Variants in CELSR3 observed in about 807,000 individuals in gnomAD.
CELSR3 encodes the protein cadherin EGF LAG seven-pass G-type receptor 3, also known as EGF-like protein 1.
In CELSR3, 73 loss-of-function variants were observed where a neutral mutation model predicts 270.0. That is an observed-to-expected ratio of 0.27 (90% CI 0.22 to 0.33). The LOEUF (loss-of-function observed/expected upper bound fraction) is 0.33, where lower values mean the gene tolerates loss of function less well. Ranked by LOEUF, CELSR3 falls within the 10% of genes least tolerant of loss-of-function variation. The pLI, the probability that CELSR3 is intolerant of heterozygous loss-of-function variation, is 1.00. For missense variants in CELSR3, 3,614 were observed against 4,533.8 expected, an observed-to-expected ratio of 0.80 and a Z score of 5.83; for synonymous variants, 1,780 against 1,905.4, an observed-to-expected ratio of 0.93 and a Z score of 1.71.
rs905108666 is a variant in CELSR3 at position 48,637,266 on chromosome 3, TAGG to T, written c.*936_*938del. ...AGGGCCACGGAGGATCCTGTAAACATAGGAGGCAGTGGCACCTACATTCTGGGT... is the reference window on the plus strand; with the variant it reads ...AGGGCCACGGAGGATCCTGTAAACATAGGCAGTGGCACCTACATTCTGGGT... On this transcript the variant is annotated 3_prime_UTR_variant, in exon 35 of 35. Transcript: ENST00000164024. 2 of 152,570 alleles carry T rather than the reference TAGG, an allele frequency of 1.3e-5. No homozygotes were observed. Among genetic ancestry groups the T allele is most frequent in the Non-Finnish European group, 2.9e-5 (2 of 68,026 alleles). 9.5% of individuals were successfully genotyped at this position (152,570 alleles called of 1,614,324 possible).
chr3:48,652,336 A>T lies in CELSR3; in HGVS notation c.5751+101T>A. ...AACTCTGGGTCATTCACCCCCTCGCACCAACCCCCACTTGAATACTGCCTT... is the reference window on the plus strand; with the variant it reads ...AACTCTGGGTCATTCACCCCCTCGCTCCAACCCCCACTTGAATACTGCCTT... On this transcript the variant is annotated intron_variant, in intron 11 of 34. Coordinates refer to ENST00000164024, the MANE Select transcript of CELSR3 (RefSeq NM_001407.3). This position sits in a 1 kb window ranked among gnomAD's most constrained non-coding sequence, Gnocchi z 4.3. 1.0e-6 allele frequency: 1 copy of T among 996,230 alleles called. No homozygotes were observed. Among genetic ancestry groups the T allele is most frequent in the Non-Finnish European group, 1.6e-6 (1 of 623,482 alleles). 61.7% of individuals were successfully genotyped at this position (996,230 alleles called of 1,614,324 possible). A position where few individuals can be genotyped will look rare whatever the true frequency, so the allele number is the denominator to read the frequency against.
Position 48,655,056 on chromosome 3 carries a change from G to A in CELSR3, c.4976C>T (p.Thr1659Ile), listed in dbSNP as rs2047168260. The change falls in exon 6 of 35, where the codon ACA (threonine) becomes ATA (isoleucine). Residue 1659 changes from threonine to isoleucine, a missense_variant. Thr to Ile is a moderately conservative substitution (Grantham distance 89). This residue lies in a region of CELSR3 where 1,331 missense variants were observed against 1,933.7 expected (regional missense o/e 0.69). Transcript: ENST00000164024. The surrounding 1 kb of genome is among the most constrained non-coding windows in gnomAD (Gnocchi z 5.8). ...NYSCAAAGVQTSSKKSLDLTG... is the reference protein window; with the variant it reads ...NYSCAAAGVQISSKKSLDLTG... Reference sequence around the variant, plus strand: ...GCAGGGGCCTCACTTCTTGGAGCTTGTTTGCACACCAGCAGCCGCGCATGA... The same window carrying A: ...GCAGGGGCCTCACTTCTTGGAGCTTATTTGCACACCAGCAGCCGCGCATGA... The A allele has an allele frequency of 2.5e-6, 4 of 1,613,734 alleles. No individual in the cohort carries two copies. The South Asian group carries it at 3.3e-5, about 13-fold the overall frequency.
Position 48,660,875 on chromosome 3 carries a change from C to T in CELSR3, c.1760G>A (p.Gly587Asp). 3 of 1,613,948 alleles carry T rather than the reference C, an allele frequency of 1.9e-6. No individual in the cohort carries two copies. Among genetic ancestry groups the T allele is most frequent in the Admixed American group, 1.7e-5 (1 of 60,026 alleles). Reference protein sequence around the residue: ...NGLVHYNIISGNSRGHFAIDS... With the variant: ...NGLVHYNIISDNSRGHFAIDS... The stretch of plus-strand genomic sequence containing the variant: ...GATGGCAAAGTGTCCACGGCTATTG[C>T]CACTGATGATGTTGTAGTGCACCAA... Residue 587 changes from glycine to aspartate, a missense_variant, in exon 1 of 35, where the codon GGC becomes GAC. Gly to Asp is a moderately conservative substitution (Grantham distance 94). This residue lies in a region of CELSR3 where 354 missense variants were observed against 500.9 expected (regional missense o/e 0.71). Transcript: ENST00000164024. The surrounding 1 kb of genome is among the most constrained non-coding windows in gnomAD (Gnocchi z 5.5).
rs1201141968 is a variant in CELSR3 at position 48,643,687 on chromosome 3, G to A, written c.8166-10C>T. Reference sequence around the variant, plus strand: ...GGAGCTGCGAAGGGTCCTGCTGTGGGGACATGGGAAGACACAGGAGGACAT... The same window carrying A: ...GGAGCTGCGAAGGGTCCTGCTGTGGAGACATGGGAAGACACAGGAGGACAT... On this transcript the variant is annotated splice_polypyrimidine_tract_variant and intron_variant, in intron 27 of 34. Coordinates refer to ENST00000164024, the MANE Select transcript of CELSR3 (RefSeq NM_001407.3). 1.3e-6 allele frequency: 2 copies of A among 1,552,156 alleles called. No individual in the cohort carries two copies. The highest frequency in any genetic ancestry group is 2.7e-5 in the African/African-American group (2 of 73,098).
Position 48,651,582 on chromosome 3 carries a change from C to T in CELSR3, c.6060G>A (p.Glu2020=). Residue 2020 remains glutamate (E), a synonymous_variant, in exon 13 of 35, where the codon GAG becomes GAA. Coordinates refer to ENST00000164024, the MANE Select transcript of CELSR3 (RefSeq NM_001407.3). This position sits in a 1 kb window ranked among gnomAD's most constrained non-coding sequence, Gnocchi z 7.4. The stretch of plus-strand genomic sequence containing the variant: ...CCTCAGCCCCAGCCTCTTACCTGTG[C>T]TCACAGTGGTGCCCGAAATAGCCAC... ...CVGGYFGHHC[E]HRMDQQCPRG... The T allele has an allele frequency of 6.3e-7, 1 of 1,576,372 alleles. No homozygotes were observed. Among genetic ancestry groups the T allele is most frequent in the Non-Finnish European group, 8.6e-7 (1 of 1,158,368 alleles).
In CELSR3 at chr3:48,655,770, G is replaced by T; in HGVS notation, c.4707C>A (p.Leu1569=). 6.2e-7 allele frequency: 1 copy of T among 1,610,024 alleles called. No homozygotes were observed. The highest frequency in any genetic ancestry group is 1.1e-5 in the South Asian group (1 of 90,980). The change falls in exon 4 of 35, where the codon CTC becomes CTA. Residue 1569 remains leucine, a synonymous_variant. Transcript: ENST00000164024. This position sits in a 1 kb window ranked among gnomAD's most constrained non-coding sequence, Gnocchi z 5.8. The part of the protein sequence containing the change: ...NEKHDFLALE[L]VAGQVRLTYS... ...ATGTGAGCCGCACTTGGCCAGCCAC[G>T]AGTTCCAGGGCCAGGAAGTCGTGCT...
chr3:48,640,678 G>T lies in CELSR3; in HGVS notation c.9026-119C>A. 1 of 1,173,700 alleles carries T rather than the reference G, an allele frequency of 8.5e-7. No homozygotes were observed. Among genetic ancestry groups the T allele is most frequent in the Non-Finnish European group, 1.2e-6 (1 of 858,362 alleles). 72.7% of individuals were successfully genotyped at this position (1,173,700 alleles called of 1,614,324 possible). On this transcript the variant is annotated intron_variant, in intron 33 of 34. Transcript: ENST00000164024. The surrounding 1 kb of genome is among the most constrained non-coding windows in gnomAD (Gnocchi z 7.5). Reference sequence around the variant, plus strand: ...CCTTCCAACACAGGGATGGGAGCAGGAACCCCTTGGGGAGCAGCAGAGGCA... The same window carrying T: ...CCTTCCAACACAGGGATGGGAGCAGTAACCCCTTGGGGAGCAGCAGAGGCA...
At position 48,655,228 on chromosome 3, in the gene CELSR3, A is replaced by G; in HGVS notation, c.4831-27T>C. ...TGAAGACGCAGGCACACCAGTCAACAGTGCCCCCAGTAACCCCTGAGGAGC... is the reference window on the plus strand; with the variant it reads ...TGAAGACGCAGGCACACCAGTCAACGGTGCCCCCAGTAACCCCTGAGGAGC... On this transcript the variant is annotated intron_variant, in intron 5 of 34. Coordinates refer to ENST00000164024, the MANE Select transcript of CELSR3 (RefSeq NM_001407.3). This position sits in a 1 kb window ranked among gnomAD's most constrained non-coding sequence, Gnocchi z 5.8. 6.2e-7 allele frequency: 1 copy of G among 1,614,006 alleles called. No individual in the cohort carries two copies. The highest frequency in any genetic ancestry group is 1.1e-5 in the South Asian group (1 of 91,082).
rs769423919 is a variant in CELSR3, at chr3:48,645,153, C to T, written c.7854G>A (p.Ala2618=). The change falls in exon 25 of 35, where the codon GCG becomes GCA. Residue 2618 remains alanine (A), a synonymous_variant. Transcript: ENST00000164024. This position sits in a 1 kb window ranked among gnomAD's most constrained non-coding sequence, Gnocchi z 5.4. ...LLHYFFLSTF[A]WLFVQGLHLY... Reference sequence around the variant, plus strand: ...GGTGCAGCCCCTGCACGAAGAGCCACGCGAAGGTGCTGAGGAAGAAGTAGT... The same window carrying T: ...GGTGCAGCCCCTGCACGAAGAGCCATGCGAAGGTGCTGAGGAAGAAGTAGT... 27 of 1,597,320 alleles carry T rather than the reference C, an allele frequency of 1.7e-5. No individual in the cohort carries two copies. The highest frequency in any genetic ancestry group is 1.2e-4 in the African/African-American group (9 of 74,788).
chr3:48,658,875 C>T lies in CELSR3; in HGVS notation c.3748+12G>A. ...GTGTCACTGGGTCACTTGCCTGCCC[C>T]CTGCCCCTCACCTGTGACAGTCACC... On this transcript the variant is annotated intron_variant, in intron 1 of 34. Transcript: ENST00000164024. This position sits in a 1 kb window ranked among gnomAD's most constrained non-coding sequence, Gnocchi z 4.7. 2 of 1,610,072 alleles carry T rather than the reference C, an allele frequency of 1.2e-6. No individual in the cohort carries two copies. The highest frequency in any genetic ancestry group is 8.5e-7 in the Non-Finnish European group (1 of 1,176,974).
Position 48,654,278 on chromosome 3 carries a change from T to C in CELSR3, c.5152+11A>G, listed in dbSNP as rs1575543878. ...GGCCATGGGCTAGGCTGGTGGAAGC[T>C]TCAGGCCTACCTGCCATGGTGCCAT... On this transcript the variant is annotated intron_variant, in intron 7 of 34. Coordinates refer to ENST00000164024, the MANE Select transcript of CELSR3 (RefSeq NM_001407.3). The surrounding 1 kb of genome is among the most constrained non-coding windows in gnomAD (Gnocchi z 5.4). 1.2e-6 allele frequency: 2 copies of C among 1,613,574 alleles called. No homozygotes were observed. The highest frequency in any genetic ancestry group is 1.7e-6 in the Non-Finnish European group (2 of 1,180,000).
chr3:48,641,134 G>A lies in CELSR3; in HGVS notation c.9025+190C>T, dbSNP rs915167656. On this transcript the variant is annotated intron_variant, in intron 33 of 34. Transcript: ENST00000164024. This position sits in a 1 kb window ranked among gnomAD's most constrained non-coding sequence, Gnocchi z 4.8. Reference sequence around the variant, plus strand: ...CTGTGGTGCTGGCCAGGGTAGAGGGGGACAGAGAATTCCCAGGTCAGGACA... The same window carrying A: ...CTGTGGTGCTGGCCAGGGTAGAGGGAGACAGAGAATTCCCAGGTCAGGACA... The A allele has an allele frequency of 1.0e-5, 6 of 593,048 alleles. No individual in the cohort carries two copies. Among genetic ancestry groups the A allele is most frequent in the Non-Finnish European group, 1.5e-5 (5 of 331,590 alleles). The allele number at this position is 593,048 out of a possible 1,614,324, so 36.7% of individuals were successfully genotyped here.
At position 48,641,922 on chromosome 3, in the gene CELSR3, C is replaced by A; in HGVS notation, c.8753G>T (p.Arg2918Leu). Residue 2918 changes from arginine (R) to leucine (L), a missense_variant, in exon 32 of 35, where the codon CGG (arginine) becomes CTG (leucine). By Grantham distance (102) the Arg-to-Leu change is moderately radical. Around this residue, in one of 7 missense-constraint regions of CELSR3, gnomAD observed 1,240 missense variants for 1,351.7 expected, o/e 0.92. Coordinates refer to ENST00000164024, the MANE Select transcript of CELSR3 (RefSeq NM_001407.3). This position sits in a 1 kb window ranked among gnomAD's most constrained non-coding sequence, Gnocchi z 4.8. Reference sequence around the variant, plus strand: ...TGGCCGTTGGAAGCGCCCCCGCGTCCGGCCATTGTCCTCGCTTTCTGAAGA... The same window carrying A: ...TGGCCGTTGGAAGCGCCCCCGCGTCAGGCCATTGTCCTCGCTTTCTGAAGA... ...IPSSESEDNG[R>L]TRGRFQRPLC... is the part of the protein sequence containing the mutation. The A allele has an allele frequency of 6.3e-7, 1 of 1,599,386 alleles. No individual in the cohort carries two copies. Among genetic ancestry groups the A allele is most frequent in the Non-Finnish European group, 8.5e-7 (1 of 1,174,222 alleles).
At chr3:48,656,033 A>T in intron 3 of CELSR3, 107 bp downstream of exon 3, 2 of 1,123,922 alleles carry the variant, frequency 1.8e-6, no homozygotes, top group Non-Finnish European at 2.4e-6. Context: ...GCGTCAGGGG[A>T]GGGGCGGTGT....
Position 48,657,308 on chromosome 3 carries a change from C to G in CELSR3, c.3789G>C (p.Val1263=). Residue 1263 remains valine, a synonymous_variant, in exon 2 of 35, where the codon GTG becomes GTC. Coordinates refer to ENST00000164024, the MANE Select transcript of CELSR3 (RefSeq NM_001407.3). This position sits in a 1 kb window ranked among gnomAD's most constrained non-coding sequence, Gnocchi z 5.4. ...HSVTAQCVLR[V]VIITEELLAN... is the part of the protein sequence containing the mutation. ...CCAGCAACTCCTCCGTGATGATGAC[C>G]ACGCGCAGCACACACTGCGCCGTCA... 1 of 1,609,010 alleles carries G rather than the reference C, an allele frequency of 6.2e-7. No individual in the cohort carries two copies. The highest frequency in any genetic ancestry group is 2.2e-5 in the East Asian group (1 of 44,670).
rs1457293581 is a variant in CELSR3, at chr3:48,639,663, A to C, written c.9911+11T>G. The C allele has an allele frequency of 6.2e-7, 1 of 1,612,802 alleles. No individual in the cohort carries two copies. Among genetic ancestry groups the C allele is most frequent in the South Asian group, 1.1e-5 (1 of 91,052 alleles). ...GATGAGGGTGCAAGCAGGTGGCTGG[A>C]CCATACTTACTCTGAGTCTGGCGAC... On this transcript the variant is annotated intron_variant, in intron 34 of 34. Coordinates refer to ENST00000164024, the MANE Select transcript of CELSR3 (RefSeq NM_001407.3). This position sits in a 1 kb window ranked among gnomAD's most constrained non-coding sequence, Gnocchi z 4.1.
intron 19 of CELSR3, 25 bp downstream of exon 19, chr3:48,648,241 C>T: frequency 5.3e-6 from 7 of 1,318,100 alleles, no homozygotes; most frequent in Non-Finnish European, 7.6e-6. Flanking sequence ...CTGCTGTGCC[C>T]CGCCCTACCC....
rs760854608 is a variant in CELSR3, at chr3:48,651,754, G to A, written c.5924-36C>T. 6.5e-6 allele frequency: 10 copies of A among 1,532,942 alleles called. No homozygotes were observed. The highest frequency in any genetic ancestry group is 5.1e-5 in the South Asian group (4 of 77,712). 95.0% of individuals were successfully genotyped at this position (1,532,942 alleles called of 1,614,324 possible). A position where few individuals can be genotyped will look rare whatever the true frequency, so the allele number is the denominator to read the frequency against. On this transcript the variant is annotated intron_variant, in intron 12 of 34. Transcript: ENST00000164024. The surrounding 1 kb of genome is among the most constrained non-coding windows in gnomAD (Gnocchi z 7.4). The stretch of plus-strand genomic sequence containing the variant: ...GGTCAGAAAGCTCAGGATCCTGGTC[G>A]CAGAGCATGGAAGGAAGCAGGCACC...
chr3:48,650,728 A>T lies in CELSR3; in HGVS notation c.6371-147T>A. 9.8e-7 allele frequency: 1 copy of T among 1,021,680 alleles called. No homozygotes were observed. Among genetic ancestry groups the T allele is most frequent in the Non-Finnish European group, 1.4e-6 (1 of 704,610 alleles). 63.3% of individuals were successfully genotyped at this position (1,021,680 alleles called of 1,614,324 possible). On this transcript the variant is annotated intron_variant, in intron 15 of 34. Coordinates refer to ENST00000164024, the MANE Select transcript of CELSR3 (RefSeq NM_001407.3). The surrounding 1 kb of genome is among the most constrained non-coding windows in gnomAD (Gnocchi z 5.1). ...GAGCTGACCTGTCAGATTCTGTGAC[A>T]GGTCAGCAAAGTACTTGGGGCAAAG... is the stretch of plus-strand genomic sequence containing the variant.
Sources: gnomAD v4.1 joint callset for allele counts on GRCh38, gnomAD v4.1.1 for gene constraint, gnomAD v4.1.1 regional missense constraint, Gnocchi (gnomAD v3.1) non-coding constraint, MANE v1.5 for transcripts, NCBI Gene and HGNC (gene_info 2026-07-23, HGNC 2026-07-21) for gene names.